The following SP140 variants were observed in gnomAD, a reference collection of about 807,000 sequenced individuals.
SP140 encodes SP140 nuclear body protein, also known as nuclear body protein SP140.
SP140 carries 81 observed loss-of-function variants against 125.0 expected under a neutral mutation model. The observed-to-expected ratio is 0.65, with a 90% CI of 0.54 to 0.78. The LOEUF (loss-of-function observed/expected upper bound fraction) is 0.78. Ranked by LOEUF, SP140 falls within the 30% of genes least tolerant of loss-of-function variation. The pLI, the probability that SP140 is intolerant of heterozygous loss-of-function variation, is 0.00. For synonymous variants in SP140, 312 were observed against 354.0 expected (o/e 0.88, Z 1.33); for missense variants, 858 against 1,037.0 (o/e 0.83, Z 2.37).
At chr2:230,296,047 T>G (rs1446777484) in intron 21 of SP140, among the ~76,000 whole-genome samples, 3 of 150,398 alleles carry the variant, frequency 2.0e-5, no homozygotes, top group African/African-American at 7.4e-5. Flanking sequence ...GAGACCAACC[T>G]GAGCAACATA....
chr2:230,270,729 T>C (rs1575130119), intron 15 of SP140, 90 bp downstream of exon 15: 1 of 1,244,856 alleles, frequency 8.0e-7, no homozygotes, highest in East Asian at 2.4e-5. Flanking sequence ...ACTATTTCTG[T>C]TATTATTTGT....
upstream of SP140, chr2:230,200,946 T>C (rs373007586): frequency 1.6e-5 from 26 of 1,613,440 alleles, no homozygotes; most frequent in Non-Finnish European, 2.2e-5. Context: ...CATTCATTTC[T>C]GAAGTGCCAT....
intron 12 of SP140, among the ~76,000 whole-genome samples, chr2:230,260,624 G>A (rs2052066668): frequency 6.6e-6 from 1 of 152,204 alleles, no homozygotes; most frequent in Non-Finnish European, 1.5e-5. Context: ...TTTGTATAAG[G>A]TGAGAGATGA....
At chr2:230,241,836 A>G (rs1018909438) in intron 4 of SP140, among the ~76,000 whole-genome samples, 3 of 152,214 alleles carry the variant, frequency 2.0e-5, no homozygotes, top group Non-Finnish European at 4.4e-5. Context: ...GATTATTTTT[A>G]ATTAATTTCA....
rs568473178 is a variant in SP140 at position 230,309,376 on chromosome 2, G to A, written c.2059-548G>A. On this transcript the variant is annotated intron_variant, in intron 22 of 26. Coordinates refer to ENST00000392045, the MANE Select transcript of SP140 (RefSeq NM_007237.5). ...GGCCCACCTGGTCATCTCCACCCAC[G>A]GTCCTTCCCCCTCAGAGGTCGGCGT... is the stretch of plus-strand genomic sequence containing the variant. Among the ~76,000 whole-genome samples, 26 of 152,218 alleles carry A rather than the reference G, an allele frequency of 1.7e-4. 1 individual carries two copies. The highest frequency in any genetic ancestry group is 5.5e-4 in the African/African-American group (23 of 41,526).
At chr2:230,288,521 C>CTTTCTTTCTTT (rs1553600315) in intron 18 of SP140, among the ~76,000 whole-genome samples, 1 of 109,130 alleles carries the variant, frequency 9.2e-6, no homozygotes, top group Non-Finnish European at 1.9e-5. Flanking sequence ...TTCTTTCTTT[C>CTTTCTTTCTTT]TTTTTTTATT....
At chr2:230,301,618 A>C (rs915273192) in intron 22 of SP140, among the ~76,000 whole-genome samples, 2 of 152,236 alleles carry the variant, frequency 1.3e-5, no homozygotes, top group Admixed American at 1.3e-4. Flanking sequence ...CCAGTGCTAC[A>C]AGAACTGCTA....
At chr2:230,194,582 C>G in the SP140 span, among the ~76,000 whole-genome samples, 6 of 152,278 alleles carry the variant, frequency 3.9e-5, no homozygotes, top group Admixed American at 3.9e-4. Flanking sequence ...TCTTATTCTG[C>G]AAGTAACACA....
chr2:230,255,652 T>C, intron 12 of SP140, 120 bp downstream of exon 12: 1 of 840,448 alleles, frequency 1.2e-6, no homozygotes, highest in Non-Finnish European at 1.9e-6. Context: ...AGGATCTAAT[T>C]AATCCTGAGA....
At chr2:230,295,204 A>C (rs2057571919) in intron 21 of SP140, among the ~76,000 whole-genome samples, 1 of 152,248 alleles carries the variant, frequency 6.6e-6, no homozygotes, top group Admixed American at 6.5e-5. Context: ...ATCCTTATGC[A>C]CTTCAGGTAG....
rs549499513 is a variant in SP140 at position 230,214,555 on chromosome 2, C to CA, written c.-91+488dup. Among the ~76,000 whole-genome samples, 49 of 152,160 alleles carry CA rather than the reference C, an allele frequency of 3.2e-4. 1 individual carries two copies. The South Asian group carries it at 9.8e-3, about 30-fold the overall frequency. Reference sequence around the variant, plus strand: ...AAATAAAGTGTTTGCGATAAGGCACCAAAAAAAGATACTTATTATTATCCG... The same window carrying CA: ...AAATAAAGTGTTTGCGATAAGGCACCAAAAAAAAGATACTTATTATTATCCG... On this transcript the variant is annotated intron_variant, in intron 3 of 4. Coordinates refer to the SP140 transcript ENST00000456542.
intron 1 of SP140, among the ~76,000 whole-genome samples, chr2:230,229,319 A>G (rs764251562): frequency 6.6e-6 from 1 of 151,860 alleles, no homozygotes; most frequent in Non-Finnish European, 1.5e-5. Context: ...AAATGGCTTC[A>G]TTTTAGGTTA....
intron 9 of SP140, among the ~76,000 whole-genome samples, chr2:230,249,948 T>C (rs1285736305): frequency 6.6e-6 from 1 of 152,230 alleles, no homozygotes; most frequent in Non-Finnish European, 1.5e-5. Context: ...GGTAGTGGAA[T>C]GATTCTCATG....
chr2:230,192,063 GGCC>G, the SP140 span, among the ~76,000 whole-genome samples: 1 of 152,084 alleles, frequency 6.6e-6, no homozygotes, highest in African/African-American at 2.4e-5. Context: ...ATGCAGAAAA[GGCC>G]TTTGATAAAA....
chr2:230,292,602 T>A (rs779485122), intron 19 of SP140, 44 bp from the exon 20 acceptor site: 1 of 1,612,956 alleles, frequency 6.2e-7, no homozygotes, highest in South Asian at 1.1e-5. Context: ...GTCTGTGCGC[T>A]GGGAAAAAAG....
chr2:230,264,650 T>C (rs1236155207), intron 12 of SP140, among the ~76,000 whole-genome samples: 3 of 152,236 alleles, frequency 2.0e-5, no homozygotes, highest in African/African-American at 7.2e-5. Flanking sequence ...TCAGATTCTT[T>C]TGTCCCATAG....
intron 3 of SP140, among the ~76,000 whole-genome samples, chr2:230,215,927 G>A (rs915870567): frequency 2.0e-5 from 3 of 152,206 alleles, no homozygotes; most frequent in Admixed American, 2.0e-4. Context: ...TGTCTCTGAG[G>A]AGTGCTCTCT....
chr2:230,238,715 A>T, intron 3 of SP140: 1 of 1,397,594 alleles, frequency 7.2e-7, no homozygotes, highest in Non-Finnish European at 9.9e-7. Flanking sequence ...GCCTTCTCTG[A>T]TATTTGCAGA....
chr2:230,248,621 A>G (rs547254450), intron 8 of SP140, among the ~76,000 whole-genome samples: 164 of 152,320 alleles, frequency 1.1e-3, no homozygotes, highest in Non-Finnish European at 2.2e-3. Flanking sequence ...AAGACATAGA[A>G]ACAGGAGACA....
Sources: allele counts gnomAD v4.1 joint callset (sites outside exome capture counted in the v4.1 genomes callset), GRCh38; gene constraint gnomAD v4.1.1; transcripts MANE v1.5; gene names NCBI Gene and HGNC (gene_info 2026-07-23, HGNC 2026-07-21).